Variants in SPC24 observed in about 807,000 individuals in gnomAD.
SPC24 encodes SPC24 component of NDC80 kinetochore complex, also known as kinetochore protein Spc24.
SPC24 carries 31 observed loss-of-function variants against 27.6 expected under a neutral mutation model. The ratio of observed to expected loss-of-function variants is 1.12; its 90% CI spans 0.84 to 1.52. SPC24 has a LOEUF of 1.52. Ranked by LOEUF, SPC24 falls within the 40% of genes most tolerant of loss-of-function variation. The pLI is 0.00. For missense variants in SPC24, 284 were observed against 252.5 expected (o/e 1.12, Z -0.84); for synonymous variants, 105 against 105.8 (o/e 0.99, Z 0.05).
chr19:11,155,224 AG>A (rs2077901674), intron 1 of SPC24, among the ~76,000 whole-genome samples: 1 of 152,164 alleles, frequency 6.6e-6, no homozygotes, highest in African/African-American at 2.4e-5. Flanking sequence ...TTGACAAGGA[AG>A]GAAGCTGAGG....
At chr19:11,151,029 G>A (rs900514187) in intron 1 of SPC24, among the ~76,000 whole-genome samples, 15 of 151,872 alleles carry the variant, frequency 9.9e-5, no homozygotes, top group African/African-American at 2.7e-4. Flanking sequence ...TGGGCGTGGC[G>A]GAGGGCGCCT....
At chr19:11,147,545 C>T (rs1399876422) in intron 4 of SPC24, 19 of 564,718 alleles carry the variant, frequency 3.4e-5, no homozygotes, top group East Asian at 6.1e-5. Flanking sequence ...CTGCCCACCT[C>T]GGCCTCCCAA....
At chr19:11,150,714 T>C (rs974938256) in intron 1 of SPC24, among the ~76,000 whole-genome samples, 2 of 151,984 alleles carry the variant, frequency 1.3e-5, no homozygotes, top group African/African-American at 2.4e-5. Context: ...ACCAGGGAGG[T>C]TGAGGCTGCA....
intron 1 of SPC24, 32 bp downstream of exon 1, chr19:11,155,585 C>T (rs751047546): frequency 6.5e-7 from 1 of 1,528,164 alleles, no homozygotes; most frequent in Non-Finnish European, 8.7e-7. Flanking sequence ...GCCCCTTCCC[C>T]CGTGGGCCCG....
intron 1 of SPC24, among the ~76,000 whole-genome samples, chr19:11,149,831 C>T (rs1600788603): frequency 6.6e-6 from 1 of 151,436 alleles, no homozygotes; most frequent in Admixed American, 6.6e-5. Context: ...CTGCCTCAGC[C>T]TCCCAAGTCA....
chr19:11,155,555 C>G, intron 1 of SPC24, 62 bp downstream of exon 1: 1 of 1,492,598 alleles, frequency 6.7e-7, no homozygotes. Context: ...TGGGCCTGGT[C>G]GCCCCCTCCC....
At position 11,151,402 on chromosome 19, in the gene SPC24, C is replaced by T. The variant is rs528576753; in HGVS notation, c.161-2164G>A. On this transcript the variant is annotated intron_variant, in intron 1 of 4. Coordinates refer to ENST00000592540, the MANE Select transcript of SPC24 (RefSeq NM_182513.4). Reference sequence around the variant, plus strand: ...CTTGCTTATGCTGCTATTTCTTGATCGGTCTGGTTCGGATGGGGCCTGCTG... The same window carrying T: ...CTTGCTTATGCTGCTATTTCTTGATTGGTCTGGTTCGGATGGGGCCTGCTG... Among the ~76,000 whole-genome samples the T allele has an allele frequency of 5.1e-4, 78 of 152,210 alleles. No homozygotes were observed. In the South Asian group the frequency reaches 5.2e-3, roughly 10 times the overall value.
intron 1 of SPC24, among the ~76,000 whole-genome samples, chr19:11,154,157 T>C (rs2077894060): frequency 1.3e-5 from 2 of 152,144 alleles, no homozygotes; most frequent in Non-Finnish European, 2.9e-5. Flanking sequence ...AAAAGGTGGA[T>C]ACAACCCAAG....
At chr19:11,152,794 G>C (rs2077882153) in intron 1 of SPC24, among the ~76,000 whole-genome samples, 1 of 152,080 alleles carries the variant, frequency 6.6e-6, no homozygotes, top group Non-Finnish European at 1.5e-5. Context: ...GGGAAGGAGG[G>C]AAGAGCCTGC....
intron 2 of SPC24, among the ~76,000 whole-genome samples, chr19:11,148,423 G>T (rs572425433): frequency 2.6e-5 from 4 of 152,208 alleles, no homozygotes; most frequent in Non-Finnish European, 4.4e-5. Flanking sequence ...GGCCAGGCTG[G>T]TCTCAAACTC....
rs560035397 is a variant in SPC24 at position 11,154,699 on chromosome 19, A to G, written c.160+918T>C. 1.3e-4 allele frequency among the ~76,000 whole-genome samples: 20 copies of G among 152,130 alleles called. No homozygotes were observed. The South Asian group carries it at 3.5e-3, about 27-fold the overall frequency. On this transcript the variant is annotated intron_variant, in intron 1 of 4. Transcript: ENST00000592540. The stretch of plus-strand genomic sequence containing the variant: ...TTGTACAATTCCTCGTAAGGTTCCT[A>G]GAGGAGTCAAATTTGAGACAGAAAG...
chr19:11,152,977 T>C (rs2077883637), intron 1 of SPC24, among the ~76,000 whole-genome samples: 1 of 151,936 alleles, frequency 6.6e-6, no homozygotes, highest in South Asian at 2.1e-4. Context: ...CCCCGTGGAC[T>C]GGCTCCATAG....
At chr19:11,154,138 A>T in intron 1 of SPC24, among the ~76,000 whole-genome samples, 1 of 152,180 alleles carries the variant, frequency 6.6e-6, no homozygotes, top group East Asian at 1.9e-4. Context: ...AGCGTTATTC[A>T]ACACAGCCAA....
chr19:11,147,097 A>AC lies in SPC24; in HGVS notation c.*85_*86insG. The AC allele has an allele frequency of 1.3e-6, 1 of 742,584 alleles. No homozygotes were observed. The highest frequency in any genetic ancestry group is 2.0e-5 in the South Asian group (1 of 50,220). 46.0% of individuals were successfully genotyped at this position (742,584 alleles called of 1,614,324 possible). On this transcript the variant is annotated 3_prime_UTR_variant, in exon 5 of 5. Transcript: ENST00000592540. The stretch of plus-strand genomic sequence containing the variant: ...CTCTGTCTCAAAAAAAAAAAAAAAA[A>AC]GATCTATGTCCCCACATTTCATTTG...
intron 3 of SPC24, 33 bp from the exon 4 acceptor site, chr19:11,147,927 AAAAG>A (rs751844158): frequency 1.2e-5 from 9 of 731,278 alleles, no homozygotes; most frequent in African/African-American, 4.1e-5. Flanking sequence ...AAAAAAAAAA[AAAAG>A]AAAGTTACCC....
chr19:11,147,529 G>A (rs1163649030), intron 4 of SPC24: 1 of 567,438 alleles, frequency 1.8e-6, no homozygotes, highest in Non-Finnish European at 3.1e-6. Flanking sequence ...CCTGGCCTCA[G>A]GTCTTCTGCC....
chr19:11,150,067 A>T (rs2077858915), intron 1 of SPC24, among the ~76,000 whole-genome samples: 1 of 150,864 alleles, frequency 6.6e-6, no homozygotes, highest in Non-Finnish European at 1.5e-5. Context: ...GGCGCCTGTA[A>T]TCCTAGCTAC....
intron 1 of SPC24, among the ~76,000 whole-genome samples, chr19:11,155,368 C>T (rs1363301462): frequency 1.3e-5 from 2 of 152,140 alleles, no homozygotes; most frequent in Admixed American, 1.3e-4. Context: ...TCACGGAGAG[C>T]TCAGAAGGGG....
chr19:11,154,669 A>C (rs1228503594), intron 1 of SPC24, among the ~76,000 whole-genome samples: 2 of 115,196 alleles, frequency 1.7e-5, no homozygotes, highest in African/African-American at 7.1e-5. Context: ...TAGGAAGGGT[A>C]GATATTGTAC....
Sources: allele counts gnomAD v4.1 joint callset (sites outside exome capture counted in the v4.1 genomes callset), GRCh38; gene constraint gnomAD v4.1.1; transcripts MANE v1.5; gene names NCBI Gene and HGNC (gene_info 2026-07-23, HGNC 2026-07-21).